Variants in HIVEP3 observed in about 807,000 individuals in gnomAD.
HIVEP3 encodes the protein transcription factor HIVEP3.
HIVEP3 carries 49 observed loss-of-function variants against 152.8 expected under a neutral mutation model. The ratio of observed to expected loss-of-function variants is 0.32; its 90% CI spans 0.26 to 0.41. HIVEP3 has a LOEUF of 0.41. Among genes scored for constraint, HIVEP3 ranks in the 10% least tolerant of loss-of-function variants. The pLI is 1.00. For missense variants in HIVEP3, 2,790 were observed against 3,103.3 expected (o/e 0.90, Z 2.40); for synonymous variants, 1,269 against 1,289.0 (o/e 0.98, Z 0.33).
intron 3 of HIVEP3, among the ~76,000 whole-genome samples, 195 bp downstream of exon 3, chr1:41,628,554 G>A (rs1322337940): frequency 1.3e-5 from 2 of 152,192 alleles, no homozygotes; most frequent in Non-Finnish European, 2.9e-5. Flanking sequence ...CCAGTTGCTG[G>A]CACTCAAGGT....
chr1:41,879,243 T>G (rs781719812), intron 1 of HIVEP3, among the ~76,000 whole-genome samples: 4 of 152,222 alleles, frequency 2.6e-5, no homozygotes, highest in Non-Finnish European at 4.4e-5. Context: ...GAGGTCTCCC[T>G]TTCAGCACAG....
chr1:41,570,900 T>G (rs1644242599), intron 5 of HIVEP3, among the ~76,000 whole-genome samples: 1 of 152,184 alleles, frequency 6.6e-6, no homozygotes, highest in African/African-American at 2.4e-5. Flanking sequence ...TCTGGAGTTT[T>G]TCTTTAAAGG....
chr1:41,576,353 C>G (rs538228544), intron 4 of HIVEP3, among the ~76,000 whole-genome samples: 1 of 152,330 alleles, frequency 6.6e-6, no homozygotes, highest in East Asian at 1.9e-4. Context: ...GCAGGACCCA[C>G]GCTCTTTACA....
rs778750147 is a variant in HIVEP3 at position 41,513,258 on chromosome 1, G to A, written c.5963C>T (p.Thr1988Ile). The A allele has an allele frequency of 2.5e-6, 4 of 1,613,530 alleles. No homozygotes were observed. The highest frequency in any genetic ancestry group is 1.1e-5 in the South Asian group (1 of 91,084). The change falls in exon 8 of 9, where the codon ACC becomes ATC. Residue 1988 changes from threonine (T) to isoleucine (I), a missense_variant. Physicochemically the swap from Thr to Ile is moderately conservative, Grantham distance 89 (BLOSUM62 -1). This residue lies in a region of HIVEP3 where 816 missense variants were observed against 806.5 expected (regional missense o/e 1.01). Transcript: ENST00000372583. Reference protein sequence around the residue: ...RPPLARKHSLTKNDSSPQRCS... With the variant: ...RPPLARKHSLIKNDSSPQRCS... ...TCGCTGGGGAGATGAGTCGTTTTTGGTTAGCGAGTGTTTGCGGGCTAGTGG... is the reference window on the plus strand; with the variant it reads ...TCGCTGGGGAGATGAGTCGTTTTTGATTAGCGAGTGTTTGCGGGCTAGTGG...
chr1:41,560,391 C>T (rs1184921754), intron 5 of HIVEP3, among the ~76,000 whole-genome samples: 2 of 152,154 alleles, frequency 1.3e-5, no homozygotes, highest in Non-Finnish European at 2.9e-5. Flanking sequence ...AGGTCATTGG[C>T]TGTGACTGGC....
intron 2 of HIVEP3, among the ~76,000 whole-genome samples, chr1:41,650,354 C>T (rs1032862212): frequency 6.6e-6 from 1 of 152,134 alleles, no homozygotes; most frequent in Non-Finnish European, 1.5e-5. Context: ...GGGAAAAACA[C>T]TGGCATGGGC....
intron 1 of HIVEP3, among the ~76,000 whole-genome samples, chr1:41,765,974 T>C (rs1406989998): frequency 2.6e-5 from 4 of 152,226 alleles, no homozygotes; most frequent in Non-Finnish European, 5.9e-5. Flanking sequence ...CTGGCTGACA[T>C]ACACCTCCTG....
At chr1:41,695,315 C>A (rs1486422227) in intron 2 of HIVEP3, among the ~76,000 whole-genome samples, 1 of 152,204 alleles carries the variant, frequency 6.6e-6, no homozygotes, top group Non-Finnish European at 1.5e-5. Flanking sequence ...CCCTGCAGTT[C>A]CATCCTGGGA....
At position 41,996,389 on chromosome 1, in the gene HIVEP3, C is replaced by CA. The variant is rs55853325; in HGVS notation, n.119+39417dup. 2.7e-3 allele frequency among the ~76,000 whole-genome samples: 381 copies of CA among 141,734 alleles called. 1 individual carries two copies. Among genetic ancestry groups the CA allele is most frequent in the Admixed American group, 3.1e-3 (43 of 14,098 alleles). The allele number at this position is 141,734 out of a possible 152,430, so 93.0% of individuals were successfully genotyped here. A position where few individuals can be genotyped will look rare whatever the true frequency, so the allele number is the denominator to read the frequency against. On this transcript the variant is annotated intron_variant and non_coding_transcript_variant, in intron 1 of 3. Coordinates refer to the HIVEP3 transcript ENST00000489103. ...TGGGTGACAGAGCAAGAACCTATCTCAAAAAAAAAAAAAGAGAGAGAGAGA... is the reference window on the plus strand; with the variant it reads ...TGGGTGACAGAGCAAGAACCTATCTCAAAAAAAAAAAAAAGAGAGAGAGAGA...
At chr1:41,567,066 A>C (rs865947502) in intron 5 of HIVEP3, among the ~76,000 whole-genome samples, 1 of 152,128 alleles carries the variant, frequency 6.6e-6, no homozygotes, top group Non-Finnish European at 1.5e-5. Flanking sequence ...TTGGCCTGGC[A>C]TCTCAAAAGT....
At chr1:41,803,508 G>A (rs2124315911) in intron 1 of HIVEP3, among the ~76,000 whole-genome samples, 1 of 152,320 alleles carries the variant, frequency 6.6e-6, no homozygotes, top group East Asian at 1.9e-4. Context: ...TGCAAAGTGA[G>A]TCTTCCACAC....
chr1:41,651,078 T>C (rs1479436433), intron 2 of HIVEP3, among the ~76,000 whole-genome samples: 9 of 152,260 alleles, frequency 5.9e-5, no homozygotes, highest in Admixed American at 4.6e-4. Flanking sequence ...GGGTTCCACA[T>C]CCATGGATTC....
chr1:41,824,820 A>AAG (rs1209141189), intron 1 of HIVEP3, among the ~76,000 whole-genome samples: 6 of 9,742 alleles, frequency 6.2e-4, no homozygotes, highest in Non-Finnish European at 1.1e-3. Context: ...GAGAGAGAGA[A>AAG]AGAGAGAGAG....
At chr1:41,678,813 A>G (rs1645996198) in intron 2 of HIVEP3, among the ~76,000 whole-genome samples, 2 of 152,196 alleles carry the variant, frequency 1.3e-5, no homozygotes, top group Non-Finnish European at 2.9e-5. Flanking sequence ...AGGAGGCCAC[A>G]CCTCATCTCA....
chr1:41,610,289 C>T (rs1195361270), intron 3 of HIVEP3, among the ~76,000 whole-genome samples: 1 of 152,226 alleles, frequency 6.6e-6, no homozygotes, highest in Non-Finnish European at 1.5e-5. Context: ...CAGCCAGTCA[C>T]CTCTGTACCT....
At chr1:42,005,410 A>C (rs1332488543) in intron 1 of HIVEP3, among the ~76,000 whole-genome samples, 2 of 152,136 alleles carry the variant, frequency 1.3e-5, no homozygotes, top group Admixed American at 6.5e-5. Flanking sequence ...ATATACACAC[A>C]TATGTGTATA....
At chr1:41,674,289 T>A (rs1366159452) in intron 2 of HIVEP3, among the ~76,000 whole-genome samples, 2 of 152,190 alleles carry the variant, frequency 1.3e-5, no homozygotes, top group Non-Finnish European at 1.5e-5. Context: ...CACTACATCC[T>A]CCCCTTCTCT....
intron 2 of HIVEP3, among the ~76,000 whole-genome samples, chr1:41,678,462 G>A (rs1280172591): frequency 6.7e-6 from 1 of 149,862 alleles, no homozygotes; most frequent in Non-Finnish European, 1.5e-5. Context: ...TCTAGGCCAG[G>A]GGCTTGGAAT....
intron 1 of HIVEP3, among the ~76,000 whole-genome samples, chr1:41,705,275 C>G (rs1033469204): frequency 6.6e-6 from 1 of 152,216 alleles, no homozygotes; most frequent in Non-Finnish European, 1.5e-5. Flanking sequence ...ATCTCCCCAC[C>G]CTGGCCTGGC....
Sources: gnomAD v4.1 joint callset for allele counts (sites outside exome capture counted in the v4.1 genomes callset) on GRCh38, gnomAD v4.1.1 for gene constraint, gnomAD v4.1.1 regional missense constraint, MANE v1.5 for transcripts, NCBI Gene and HGNC (gene_info 2026-07-23, HGNC 2026-07-21) for gene names.